NTRK2: variants seen among roughly 807,000 people sequenced by gnomAD.
NTRK2 encodes the protein neurotrophic receptor tyrosine kinase 2.
Under a neutral mutation model 94.5 loss-of-function variants are expected in NTRK2, and 13 were observed. The observed-to-expected ratio is 0.14, with a 90% CI of 0.09 to 0.22. NTRK2 has a LOEUF of 0.22. Ranked by LOEUF, NTRK2 falls within the 10% of genes least tolerant of loss-of-function variation. The pLI is 1.00. For synonymous variants in NTRK2, 372 were observed against 407.4 expected (o/e 0.91, Z 1.05); for missense variants, 639 against 1,071.2 (o/e 0.60, Z 5.63).
At position 84,684,611 on chromosome 9, in the gene NTRK2, T is replaced by G. The variant is rs745356655; in HGVS notation, c.212+13651T>G. On this transcript the variant is annotated intron_variant, in intron 2 of 18. Coordinates refer to ENST00000277120, the MANE Select transcript of NTRK2 (RefSeq NM_006180.6). ...CATCATTTTGTTCTCCCACAGAAAC[T>G]GGGAGTGTCTGCTTTCCTACAATTA... Among the ~76,000 whole-genome samples, 147 of 152,322 alleles carry G rather than the reference T, an allele frequency of 9.7e-4. 1 individual carries two copies. Among genetic ancestry groups the G allele is most frequent in the Non-Finnish European group, 1.7e-3 (116 of 68,014 alleles).
chr9:84,938,661 A>T (rs770785158), intron 15 of NTRK2, among the ~76,000 whole-genome samples: 7 of 152,178 alleles, frequency 4.6e-5, no homozygotes, highest in Non-Finnish European at 8.8e-5. Flanking sequence ...CCTCATATGT[A>T]GTAGTATGCA....
intron 17 of NTRK2, among the ~76,000 whole-genome samples, chr9:85,002,637 G>A (rs576464739): frequency 5.3e-5 from 8 of 152,248 alleles, no homozygotes; most frequent in Admixed American, 4.6e-4. Context: ...TCTTCTGAAA[G>A]GTTTACTAAA....
At chr9:84,890,687 A>G (rs2076569355) in intron 14 of NTRK2, among the ~76,000 whole-genome samples, 1 of 152,366 alleles carries the variant, frequency 6.6e-6, no homozygotes, top group South Asian at 2.1e-4. Flanking sequence ...AAAGGATCCC[A>G]TTAGCAATCC....
At chr9:84,869,304 C>T (rs2075736693) in intron 14 of NTRK2, among the ~76,000 whole-genome samples, 1 of 152,066 alleles carries the variant, frequency 6.6e-6, no homozygotes, top group South Asian at 2.1e-4. Flanking sequence ...TCCATTTGGT[C>T]ACTCCTTCTG....
At position 84,727,980 on chromosome 9, in the gene NTRK2, T is replaced by C. The variant is rs149416175; in HGVS notation, c.1159+21T>C. On this transcript the variant is annotated intron_variant, in intron 9 of 18. Transcript: ENST00000277120. ...CGATGGTGAGTAACTGACACTTTTG[T>C]ATGTGGGGAGAAGATAAAGTCTATC... The C allele has an allele frequency of 4.1e-5, 66 of 1,607,528 alleles. No individual in the cohort carries two copies. The African/African-American group carries it at 8.0e-4, about 20-fold the overall frequency.
chr9:84,701,508 C>T lies in NTRK2; in HGVS notation c.213-651C>T, dbSNP rs999384794. On this transcript the variant is annotated intron_variant, in intron 2 of 18. Transcript: ENST00000277120. ...GGGATGGAGTTTTCTCTCTATTCAC[C>T]CCTATATTGGAGGGCTTAGGGGGTG... Among the ~76,000 whole-genome samples, 8 of 152,086 alleles carry T rather than the reference C, an allele frequency of 5.3e-5. 1 individual carries two copies. Among genetic ancestry groups the T allele is most frequent in the Non-Finnish European group, 7.4e-5 (5 of 68,026 alleles).
At chr9:84,884,257 C>T (rs1162576922) in intron 14 of NTRK2, among the ~76,000 whole-genome samples, 1 of 152,204 alleles carries the variant, frequency 6.6e-6, no homozygotes, top group African/African-American at 2.4e-5. Context: ...GGTCCTCAGA[C>T]ATTGTCTGCT....
intron 12 of NTRK2, among the ~76,000 whole-genome samples, chr9:84,794,792 A>G (rs1379762476): frequency 2.6e-5 from 4 of 152,060 alleles, no homozygotes; most frequent in African/African-American, 9.7e-5. Context: ...GTAGGTTGGA[A>G]TTTTTTTCTC....
At chr9:84,941,121 CT>C (rs1485611202) in intron 15 of NTRK2, among the ~76,000 whole-genome samples, 2 of 152,144 alleles carry the variant, frequency 1.3e-5, no homozygotes, top group African/African-American at 4.8e-5. Context: ...AACTGTAAAA[CT>C]TTTAATAGTG....
intron 14 of NTRK2, among the ~76,000 whole-genome samples, chr9:84,882,526 C>T (rs1019164062): frequency 6.6e-6 from 1 of 152,126 alleles, no homozygotes; most frequent in African/African-American, 2.4e-5. Context: ...CTTTGCTCAG[C>T]TTAGTTTTTC....
At chr9:84,744,427 C>T (rs1304180986) in intron 10 of NTRK2, among the ~76,000 whole-genome samples, 1 of 152,184 alleles carries the variant, frequency 6.6e-6, no homozygotes, top group East Asian at 1.9e-4. Flanking sequence ...CACATATCCT[C>T]TTACGTCTCT....
At chr9:84,909,723 A>T (rs147900672) in intron 14 of NTRK2, among the ~76,000 whole-genome samples, 1 of 152,036 alleles carries the variant, frequency 6.6e-6, no homozygotes, top group South Asian at 2.1e-4. Context: ...GCCATTGTTT[A>T]TATATGGTGA....
chr9:84,719,840 G>A (rs928248389), intron 6 of NTRK2, among the ~76,000 whole-genome samples: 2 of 151,896 alleles, frequency 1.3e-5, no homozygotes, highest in Non-Finnish European at 2.9e-5. Flanking sequence ...GCAATGTGGC[G>A]AAACCGCATC....
chr9:85,005,413 G>A (rs12553180), intron 17 of NTRK2, among the ~76,000 whole-genome samples: 110,901 of 151,874 alleles, frequency 0.73, 41,127 homozygotes, highest in African/African-American at 0.82. Context: ...CTATGTCTTC[G>A]TTTCCCTACT....
intron 14 of NTRK2, chr9:84,876,737 A>G: frequency 9.4e-7 from 1 of 1,061,034 alleles, no homozygotes; most frequent in Non-Finnish European, 1.1e-6. Flanking sequence ...CATTAGTGCC[A>G]TTTCCTGATA....
chr9:84,807,364 A>G (rs1464899188), intron 12 of NTRK2, among the ~76,000 whole-genome samples: 1 of 152,216 alleles, frequency 6.6e-6, no homozygotes, highest in Non-Finnish European at 1.5e-5. Context: ...AGCAAATAGC[A>G]GAGGTTGAGT....
chr9:84,722,624 G>A (rs72737677), intron 6 of NTRK2, among the ~76,000 whole-genome samples: 8,874 of 152,102 alleles, frequency 0.058, 357 homozygotes, highest in Non-Finnish European at 0.089. Flanking sequence ...CCACTAGCAG[G>A]TCCTGACATA....
chr9:84,887,633 C>T (rs2076458501), intron 14 of NTRK2, among the ~76,000 whole-genome samples: 1 of 152,188 alleles, frequency 6.6e-6, no homozygotes, highest in South Asian at 2.1e-4. Context: ...AGACCAAATA[C>T]CCCAATGATC....
rs185040343 is a variant in NTRK2 at position 84,834,685 on chromosome 9, A to G, written c.1397-26355A>G. ...CCTCTGCGCACATGTTGAGAGTTCT[A>G]GTTCAAGCCCACTGACTGCAGGCAA... On this transcript the variant is annotated intron_variant, in intron 12 of 18. Coordinates refer to ENST00000277120, the MANE Select transcript of NTRK2 (RefSeq NM_006180.6). Among the ~76,000 whole-genome samples, 187 of 152,236 alleles carry G rather than the reference A, an allele frequency of 1.2e-3. 1 individual carries two copies. Among genetic ancestry groups the G allele is most frequent in the Non-Finnish European group, 2.0e-3 (135 of 68,006 alleles).
Sources: allele counts gnomAD v4.1 joint callset (sites outside exome capture counted in the v4.1 genomes callset), GRCh38; gene constraint gnomAD v4.1.1; transcripts MANE v1.5; gene names NCBI Gene and HGNC (gene_info 2026-07-23, HGNC 2026-07-21).